The following SOX13 variants were observed in gnomAD, a reference collection of about 807,000 sequenced individuals.
SOX13 encodes transcription factor SOX-13.
A neutral mutation model predicts 71.8 loss-of-function variants in SOX13; 28 were observed. That is an observed-to-expected ratio of 0.39 (90% CI 0.29 to 0.53). SOX13 has a LOEUF of 0.53. SOX13 is among the 20% of genes least tolerant of loss of function. SOX13 has a pLI of 0.70. For missense variants in SOX13, 627 were observed against 810.3 expected (o/e 0.77, Z 2.75); for synonymous variants, 309 against 317.8 (o/e 0.97, Z 0.29).
chr1:204,116,331 A>C (rs1329616759), intron 4 of SOX13, 176 bp from the exon 5 acceptor site: 1 of 1,546,310 alleles, frequency 6.5e-7, no homozygotes, highest in Admixed American at 2.0e-5. Flanking sequence ...AGGTAGCAAC[A>C]TGAAGAGCCC....
chr1:204,111,670 G>A (rs1656581769), intron 1 of SOX13, among the ~76,000 whole-genome samples: 1 of 152,092 alleles, frequency 6.6e-6, no homozygotes, highest in African/African-American at 2.4e-5. Context: ...AATATTTTTC[G>A]TAAAGCCAAT....
At chr1:204,104,675 C>T (rs539445500) in intron 1 of SOX13, among the ~76,000 whole-genome samples, 1 of 152,282 alleles carries the variant, frequency 6.6e-6, no homozygotes, top group East Asian at 1.9e-4. Context: ...GGAGTGGGAG[C>T]CAGCAGTGGA....
chr1:204,120,497 C>T (rs1233803194), intron 7 of SOX13, among the ~76,000 whole-genome samples: 3 of 152,252 alleles, frequency 2.0e-5, no homozygotes, highest in Non-Finnish European at 2.9e-5. Context: ...GCTCACAAGC[C>T]TTACATGGTG....
chr1:204,086,123 G>C (rs1486102606), intron 1 of SOX13, among the ~76,000 whole-genome samples: 2 of 152,248 alleles, frequency 1.3e-5, no homozygotes, highest in African/African-American at 4.8e-5. Flanking sequence ...CCTGGGCCAG[G>C]TGTGGAGGGC....
At chr1:204,094,492 C>T (rs562720886) in intron 1 of SOX13, among the ~76,000 whole-genome samples, 21 of 152,320 alleles carry the variant, frequency 1.4e-4, no homozygotes, top group African/African-American at 4.1e-4. Flanking sequence ...CCCCTTCCCT[C>T]GGGTCAGGAC....
intron 1 of SOX13, among the ~76,000 whole-genome samples, chr1:204,091,748 GTGTGTGTGTT>G (rs1198950014): frequency 6.6e-6 from 1 of 151,848 alleles, no homozygotes; most frequent in Non-Finnish European, 1.5e-5. Flanking sequence ...GTGTGTGTGT[GTGTGTGTGTT>G]TGTGTTTTAG....
At chr1:204,087,438 G>A (rs1355874500) in intron 1 of SOX13, among the ~76,000 whole-genome samples, 3 of 152,226 alleles carry the variant, frequency 2.0e-5, no homozygotes, top group Admixed American at 6.5e-5. Context: ...CCTGCTCCCT[G>A]TGCATGAGGC....
intron 1 of SOX13, among the ~76,000 whole-genome samples, chr1:204,091,411 A>G (rs1054214417): frequency 4.6e-5 from 7 of 152,208 alleles, no homozygotes; most frequent in Admixed American, 3.3e-4. Context: ...ATGTCTTTTT[A>G]AAACCAATGG....
intron 1 of SOX13, among the ~76,000 whole-genome samples, chr1:204,094,470 C>A (rs573987983): frequency 6.6e-6 from 1 of 152,266 alleles, no homozygotes; most frequent in Admixed American, 6.5e-5. Context: ...CTTCAGTGAC[C>A]CCATTGTTGA....
intron 1 of SOX13, among the ~76,000 whole-genome samples, chr1:204,106,609 TC>T (rs992681227): frequency 6.6e-6 from 1 of 151,678 alleles, no homozygotes; most frequent in African/African-American, 2.4e-5. Context: ...AACTTCCACT[TC>T]CCAGGTTCAA....
At chr1:204,125,738 T>TA (rs1656905480) in intron 13 of SOX13, 120 bp from the exon 14 acceptor site, 2 of 1,146,070 alleles carry the variant, frequency 1.7e-6, no homozygotes, top group Non-Finnish European at 2.4e-6. Flanking sequence ...GCAGGGTATA[T>TA]AAGTCACAGC....
intron 1 of SOX13, among the ~76,000 whole-genome samples, chr1:204,075,073 C>A (rs1655756985): frequency 6.6e-6 from 1 of 152,204 alleles, no homozygotes; most frequent in Non-Finnish European, 1.5e-5. Context: ...TCCCGGAGTT[C>A]ATGCCTTCCA....
chr1:204,124,970 TGTGTATGCGTAC>T (rs1656890999), intron 13 of SOX13, 113 bp downstream of exon 13: 1 of 750,694 alleles, frequency 1.3e-6, no homozygotes, highest in Admixed American at 2.1e-5. Flanking sequence ...AGGGGTGCTG[TGTGTATGCGTAC>T]GTGTGTGTGT....
Position 204,123,245 on chromosome 1 carries a change from C to A in SOX13, c.1231+37C>A. 1 of 1,517,062 alleles carries A rather than the reference C, an allele frequency of 6.6e-7. No homozygotes were observed. The highest frequency in any genetic ancestry group is 9.2e-7 in the Non-Finnish European group (1 of 1,091,974). 94.0% of individuals were successfully genotyped at this position (1,517,062 alleles called of 1,614,324 possible). A position where few individuals can be genotyped will look rare whatever the true frequency, so the allele number is the denominator to read the frequency against. On this transcript the variant is annotated intron_variant, in intron 11 of 13. Transcript: ENST00000367204. The surrounding 1 kb of genome is among the most constrained non-coding windows in gnomAD (Gnocchi z 5.0). ...GGCGCAGGGCTGATGCGCAGGAGGG[C>A]CCAACTCTGTATTCCACCAGGGCCA...
intron 4 of SOX13, among the ~76,000 whole-genome samples, chr1:204,115,250 C>T (rs1228462624): frequency 6.6e-6 from 1 of 151,414 alleles, no homozygotes; most frequent in Non-Finnish European, 1.5e-5. Flanking sequence ...CTAAACAGTC[C>T]TCCCACCTTG....
chr1:204,096,238 C>CTTTTTT (rs1491344524), intron 1 of SOX13, among the ~76,000 whole-genome samples: 220 of 61,062 alleles, frequency 3.6e-3, no homozygotes, highest in South Asian at 5.8e-3. Flanking sequence ...TTCTTTCTTT[C>CTTTTTT]GTTTTTTTTT....
intron 1 of SOX13, among the ~76,000 whole-genome samples, chr1:204,092,325 CT>C (rs928447366): frequency 1.3e-5 from 2 of 148,988 alleles, no homozygotes; most frequent in Non-Finnish European, 1.5e-5. Context: ...ACTTTTTTTT[CT>C]TTTTTTTTGA....
rs779967196 is a variant in SOX13, at chr1:204,117,210, G to A, written c.660+20G>A. 46 of 1,611,358 alleles carry A rather than the reference G, an allele frequency of 2.9e-5. No individual in the cohort carries two copies. The highest frequency in any genetic ancestry group is 2.2e-4 in the East Asian group (10 of 44,880). ...ATCCAGGTAACCGGAGGGGAGACCC[G>A]GAGAGGCACAGGAGGCAGTTGAGGG... On this transcript the variant is annotated intron_variant, in intron 6 of 13. Coordinates refer to ENST00000367204, the MANE Select transcript of SOX13 (RefSeq NM_005686.3).
At chr1:204,118,329 A>G (rs1469062699) in intron 7 of SOX13, 3 of 151,944 alleles carry the variant, frequency 2.0e-5, no homozygotes, top group Non-Finnish European at 4.4e-5. Context: ...GGTTTTACAA[A>G]TCTCCCAAAT....
Sources: gnomAD v4.1 joint callset for allele counts (sites outside exome capture counted in the v4.1 genomes callset) on GRCh38, gnomAD v4.1.1 for gene constraint, Gnocchi (gnomAD v3.1) non-coding constraint, MANE v1.5 for transcripts, NCBI Gene and HGNC (gene_info 2026-07-23, HGNC 2026-07-21) for gene names.